The following EDA variants were observed in gnomAD, a reference collection of about 807,000 sequenced individuals.
EDA encodes the protein ectodysplasin-A.
EDA carries 2 observed loss-of-function variants against 23.6 expected under a neutral mutation model. The observed-to-expected ratio is 0.08, with a 90% CI of 0.03 to 0.27. The LOEUF (loss-of-function observed/expected upper bound fraction) is 0.27. EDA is among the 10% of genes least tolerant of loss of function. The pLI, the probability that EDA is intolerant of heterozygous loss-of-function variation, is 1.00. For synonymous variants in EDA, 131 were observed against 132.0 expected (o/e 0.99, Z 0.05); for missense variants, 229 against 324.2 (o/e 0.71, Z 2.26).
intron 1 of EDA, among the ~76,000 whole-genome samples, chrX:69,712,809 C>T (rs1258506523): frequency 1.8e-5 from 2 of 111,128 alleles, no homozygotes; most frequent in East Asian, 2.8e-4. Flanking sequence ...TTGGAACCAA[C>T]CCAAATGTCC....
chrX:69,922,123 A>C (rs188655597), intron 1 of EDA, among the ~76,000 whole-genome samples: 4 of 112,457 alleles, frequency 3.6e-5, no homozygotes, highest in Non-Finnish European at 7.5e-5. Context: ...ATGTCTTTGC[A>C]TAGCTTGATA....
At chrX:69,626,506 G>A (rs1394684606) in intron 1 of EDA, among the ~76,000 whole-genome samples, 3 of 112,061 alleles carry the variant, frequency 2.7e-5, no homozygotes, top group Non-Finnish European at 5.6e-5. Context: ...ACATGGCTGA[G>A]CCTCAAATAT....
intron 1 of EDA, among the ~76,000 whole-genome samples, chrX:69,760,197 CAAAA>C (rs1162014486): frequency 6.4e-5 from 3 of 46,550 alleles, no homozygotes; most frequent in East Asian, 7.8e-4. Flanking sequence ...CTCTTTTGTA[CAAAA>C]AAAAAAAAAA....
chrX:70,002,119 G>A (rs1031298767), intron 2 of EDA, among the ~76,000 whole-genome samples: 6 of 111,645 alleles, frequency 5.4e-5, no homozygotes, highest in African/African-American at 1.3e-4. Context: ...ACAGGAATGC[G>A]TTCAAGTGGC....
intron 1 of EDA, among the ~76,000 whole-genome samples, chrX:69,919,145 G>A (rs1196772995): frequency 9.0e-6 from 1 of 111,563 alleles, no homozygotes; most frequent in Non-Finnish European, 1.9e-5. Flanking sequence ...ATGATTAAGG[G>A]GCCAGAGGGA....
At chrX:69,631,777 T>C (rs1322708562) in intron 1 of EDA, among the ~76,000 whole-genome samples, 3 of 111,448 alleles carry the variant, frequency 2.7e-5, no homozygotes, top group Non-Finnish European at 5.7e-5. Flanking sequence ...ATTTATGATA[T>C]GCCAGACACT....
At chrX:69,921,665 C>T (rs908474126) in intron 1 of EDA, among the ~76,000 whole-genome samples, 4 of 111,015 alleles carry the variant, frequency 3.6e-5, no homozygotes, top group African/African-American at 9.8e-5. Context: ...GTCTTACAAA[C>T]TCATTTCCAA....
chrX:69,979,918 C>G (rs747260410), intron 2 of EDA, among the ~76,000 whole-genome samples: 55 of 110,420 alleles, frequency 5.0e-4, no homozygotes, highest in African/African-American at 1.7e-3. Flanking sequence ...TTTCTTTTAT[C>G]ACTTATATTT....
intron 1 of EDA, among the ~76,000 whole-genome samples, chrX:69,733,882 G>T: frequency 9.3e-6 from 1 of 107,286 alleles, no homozygotes; most frequent in African/African-American, 3.3e-5. Context: ...ATTAATGAGA[G>T]ATATTGGTCT....
intron 2 of EDA, among the ~76,000 whole-genome samples, chrX:69,990,332 T>A (rs1296984454): frequency 9.5e-6 from 1 of 105,689 alleles, no homozygotes; most frequent in African/African-American, 3.9e-5. Context: ...TCGTTACTGC[T>A]AGATTGGGGT....
chrX:69,689,722 A>G (rs1934653649), intron 1 of EDA, among the ~76,000 whole-genome samples: 1 of 111,233 alleles, frequency 9.0e-6, no homozygotes, highest in African/African-American at 3.3e-5. Context: ...CTGTATTTTG[A>G]TAAGGTTGTG....
intron 2 of EDA, among the ~76,000 whole-genome samples, chrX:69,960,642 T>C (rs774229966): frequency 6.4e-5 from 7 of 109,871 alleles, no homozygotes; most frequent in Non-Finnish European, 9.5e-5. Flanking sequence ...TAAATCATAG[T>C]GGGGTGAGTT....
At chrX:69,766,404 G>A (rs1056535631) in intron 1 of EDA, among the ~76,000 whole-genome samples, 7 of 110,573 alleles carry the variant, frequency 6.3e-5, no homozygotes, top group African/African-American at 1.3e-4. Flanking sequence ...GTACCCAATC[G>A]TTATTTTTTC....
intron 2 of EDA, among the ~76,000 whole-genome samples, chrX:69,983,626 C>A (rs1210055288): frequency 2.0e-5 from 1 of 49,727 alleles, no homozygotes; most frequent in African/African-American, 8.8e-5. Context: ...CCGAGAGATC[C>A]GCTGTTAGTC....
At chrX:69,724,394 C>CT (rs1475785711) in intron 1 of EDA, among the ~76,000 whole-genome samples, 3 of 111,285 alleles carry the variant, frequency 2.7e-5, no homozygotes, top group Middle Eastern at 4.6e-3. Context: ...TTTGCTTTTT[C>CT]TTTTTTTTAA....
At chrX:69,685,184 A>G (rs1934502655) in intron 1 of EDA, among the ~76,000 whole-genome samples, 1 of 112,050 alleles carries the variant, frequency 8.9e-6, no homozygotes, top group African/African-American at 3.2e-5. Flanking sequence ...CTGAAATGGA[A>G]TCATTTATAA....
chrX:69,855,252 G>T (rs1280258718), intron 1 of EDA, among the ~76,000 whole-genome samples: 1 of 111,845 alleles, frequency 8.9e-6, no homozygotes, highest in Non-Finnish European at 1.9e-5. Flanking sequence ...CATTCCGTAG[G>T]TTGCCTGTTC....
intron 1 of EDA, among the ~76,000 whole-genome samples, chrX:69,815,119 A>C (rs1431394418): frequency 8.9e-6 from 1 of 111,912 alleles, no homozygotes; most frequent in Non-Finnish European, 1.9e-5. Flanking sequence ...CCAGCTAGCC[A>C]ATGGCAATGG....
At chrX:69,685,768 A>G (rs1036256884) in intron 1 of EDA, among the ~76,000 whole-genome samples, 2 of 111,953 alleles carry the variant, frequency 1.8e-5, no homozygotes, top group Admixed American at 9.5e-5. Context: ...AACCTCTACA[A>G]ACTACACAGC....
Sources: allele counts gnomAD v4.1 joint callset (sites outside exome capture counted in the v4.1 genomes callset), GRCh38; gene constraint gnomAD v4.1.1; transcripts MANE v1.5; gene names NCBI Gene and HGNC (gene_info 2026-07-23, HGNC 2026-07-21).